Variants in LDLRAD4 observed in about 807,000 individuals in gnomAD.
LDLRAD4 encodes low density lipoprotein receptor class A domain containing 4.
A neutral mutation model predicts 17.0 loss-of-function variants in LDLRAD4; 5 were observed. The ratio of observed to expected loss-of-function variants is 0.29; its 90% CI spans 0.15 to 0.62. LDLRAD4 has a LOEUF of 0.62. LDLRAD4 is among the 20% of genes least tolerant of loss of function. LDLRAD4 has a pLI of 0.84. For synonymous variants in LDLRAD4, 168 were observed against 171.8 expected, an observed-to-expected ratio of 0.98 and a Z score of 0.17; for missense variants, 340 against 424.7, an observed-to-expected ratio of 0.80 and a Z score of 1.75.
intron 2 of LDLRAD4, among the ~76,000 whole-genome samples, chr18:13,422,263 A>G (rs764122648): frequency 6.6e-6 from 1 of 152,192 alleles, no homozygotes; most frequent in Non-Finnish European, 1.5e-5. Flanking sequence ...GACAGAGAGA[A>G]GACTAGAAGA....
intron 1 of LDLRAD4, among the ~76,000 whole-genome samples, chr18:13,267,318 CT>C (rs1460380075): frequency 6.6e-6 from 1 of 152,106 alleles, no homozygotes; most frequent in African/African-American, 2.4e-5. Context: ...GTGTGTGTGT[CT>C]GTGTTGTATT....
chr18:13,247,955 C>CGA lies in LDLRAD4; in HGVS notation c.-467+28967_-467+28968insGA, dbSNP rs372189310. ...TGTCCAACTGCACACAGCGCCGCCC[C>CGA]CCGCCTTTTTTTTTTTTTTTTTAAA... On this transcript the variant is annotated intron_variant, in intron 1 of 5. Transcript: ENST00000399848. Among the ~76,000 whole-genome samples the CGA allele has an allele frequency of 3.5e-3, 461 of 130,242 alleles. 3 individuals are homozygous for CGA. Among genetic ancestry groups the CGA allele is most frequent in the Admixed American group, 5.8e-3 (76 of 13,092 alleles). The allele number at this position is 130,242 out of a possible 152,430, so 85.4% of individuals were successfully genotyped here. A position where few individuals can be genotyped will look rare whatever the true frequency, so the allele number is the denominator to read the frequency against.
At chr18:13,303,184 A>G (rs563869560) in intron 1 of LDLRAD4, among the ~76,000 whole-genome samples, 1 of 152,254 alleles carries the variant, frequency 6.6e-6, no homozygotes, top group Admixed American at 6.5e-5. Flanking sequence ...TGGTGCCTAG[A>G]CCCCGGCCCA....
intron 3 of LDLRAD4, among the ~76,000 whole-genome samples, chr18:13,532,253 G>A (rs962260742): frequency 2.0e-5 from 3 of 152,240 alleles, no homozygotes; most frequent in South Asian, 2.1e-4. Flanking sequence ...GAGGGGCAGC[G>A]AAGCAGCCGA....
At chr18:13,568,708 C>G (rs1250504161) in intron 3 of LDLRAD4, among the ~76,000 whole-genome samples, 1 of 152,180 alleles carries the variant, frequency 6.6e-6, no homozygotes, top group East Asian at 1.9e-4. Context: ...CACATCAGGA[C>G]CTGTGGCCTT....
intron 4 of LDLRAD4, among the ~76,000 whole-genome samples, chr18:13,639,340 CA>C (rs2042331327): frequency 6.6e-6 from 1 of 152,220 alleles, no homozygotes; most frequent in Admixed American, 6.5e-5. Flanking sequence ...TCTTTGTACT[CA>C]GCTATCTGCA....
intron 1 of LDLRAD4, among the ~76,000 whole-genome samples, chr18:13,245,158 T>C (rs946722085): frequency 5.3e-5 from 8 of 152,154 alleles, no homozygotes; most frequent in African/African-American, 1.9e-4. Context: ...AACCATTCCA[T>C]GTGGAGCTCG....
intron 3 of LDLRAD4, among the ~76,000 whole-genome samples, chr18:13,601,038 C>T (rs1025470275): frequency 6.6e-6 from 1 of 152,170 alleles, no homozygotes; most frequent in African/African-American, 2.4e-5. Flanking sequence ...AGGATGGGCA[C>T]CTGTTCTCCT....
chr18:13,589,535 GGCT>G lies in LDLRAD4; in HGVS notation c.182-31580_182-31578del. 2.0e-5 allele frequency among the ~76,000 whole-genome samples: 3 copies of G among 152,324 alleles called. No individual in the cohort carries two copies. In the South Asian group the frequency reaches 6.2e-4, roughly 32 times the overall value. On this transcript the variant is annotated intron_variant, in intron 3 of 5. Transcript: ENST00000359446. ...AGCCTTGCTGGTGTGTTCCTGGGAT[GGCT>G]GTGGCCTGCCACTGTGTCCTCTTAC... is the stretch of plus-strand genomic sequence containing the variant.
chr18:13,293,340 T>G (rs921060539), intron 1 of LDLRAD4, among the ~76,000 whole-genome samples: 10 of 152,178 alleles, frequency 6.6e-5, no homozygotes, highest in African/African-American at 2.4e-4. Context: ...GTGTGTGTGT[T>G]TGTGTGCTTT....
At chr18:13,262,991 C>T (rs1289523093) in intron 1 of LDLRAD4, among the ~76,000 whole-genome samples, 5 of 135,812 alleles carry the variant, frequency 3.7e-5, no homozygotes, top group African/African-American at 8.5e-5. Context: ...GGTTGAGTCC[C>T]GTGCGGCTCC....
chr18:13,261,199 C>T (rs1049486852), intron 1 of LDLRAD4, among the ~76,000 whole-genome samples: 2 of 152,214 alleles, frequency 1.3e-5, no homozygotes, highest in African/African-American at 4.8e-5. Flanking sequence ...AGTCCTGGCT[C>T]CAGGGAATAG....
intron 1 of LDLRAD4, among the ~76,000 whole-genome samples, chr18:13,285,079 T>C (rs1470073763): frequency 6.6e-6 from 1 of 152,216 alleles, no homozygotes; most frequent in Admixed American, 6.5e-5. Context: ...TTGAAATTTG[T>C]TATATAGTTC....
intron 1 of LDLRAD4, among the ~76,000 whole-genome samples, chr18:13,264,890 C>G (rs1412752656): frequency 6.6e-6 from 1 of 152,238 alleles, no homozygotes; most frequent in Non-Finnish European, 1.5e-5. Flanking sequence ...GGATTCGCAA[C>G]TGGCCTATAA....
chr18:13,319,625 A>G (rs574481370), intron 1 of LDLRAD4, among the ~76,000 whole-genome samples: 12 of 152,342 alleles, frequency 7.9e-5, no homozygotes, highest in Non-Finnish European at 1.5e-4. Context: ...ACGACCAGGG[A>G]TACTGGCTTT....
intron 2 of LDLRAD4, among the ~76,000 whole-genome samples, chr18:13,412,546 A>G (rs1260738708): frequency 6.6e-6 from 1 of 152,182 alleles, no homozygotes; most frequent in Non-Finnish European, 1.5e-5. Flanking sequence ...TCAAGTGCCT[A>G]TTATGGACTA....
intron 1 of LDLRAD4, among the ~76,000 whole-genome samples, chr18:13,294,239 A>G (rs1240104426): frequency 6.6e-6 from 1 of 152,210 alleles, no homozygotes; most frequent in African/African-American, 2.4e-5. Flanking sequence ...TGGGAAGTGC[A>G]GTTTCTGTCC....
intron 1 of LDLRAD4, among the ~76,000 whole-genome samples, chr18:13,355,370 A>G (rs766193381): frequency 3.3e-5 from 5 of 152,194 alleles, no homozygotes; most frequent in Non-Finnish European, 7.3e-5. Context: ...TGAACTACCA[A>G]GAGGATTAGG....
chr18:13,494,986 G>A (rs896996190), intron 3 of LDLRAD4, among the ~76,000 whole-genome samples: 1 of 151,788 alleles, frequency 6.6e-6, no homozygotes, highest in African/African-American at 2.4e-5. Context: ...CCTGAGACCC[G>A]CCTCCCAGCT....
Sources: gnomAD v4.1 joint callset for allele counts (sites outside exome capture counted in the v4.1 genomes callset) on GRCh38, gnomAD v4.1.1 for gene constraint, MANE v1.5 for transcripts, NCBI Gene and HGNC (gene_info 2026-07-23, HGNC 2026-07-21) for gene names.